MAML1: variants seen among roughly 807,000 people sequenced by gnomAD.
The protein encoded by MAML1 is mastermind like transcriptional coactivator 1.
In MAML1, 14 loss-of-function variants were observed where a neutral mutation model predicts 77.1. That is an observed-to-expected ratio of 0.18 (90% confidence interval 0.12 to 0.28). The LOEUF is 0.28. Among genes scored for constraint, MAML1 ranks in the 10% least tolerant of loss-of-function variants. The pLI is 1.00. For synonymous variants in MAML1, 516 were observed against 551.9 expected, an observed-to-expected ratio of 0.93 and a Z score of 0.91; for missense variants, 1,217 against 1,327.8, an observed-to-expected ratio of 0.92 and a Z score of 1.30.
In MAML1 at chr5:179,774,538, C is replaced by T. The variant is rs1756089567; in HGVS notation, c.2712C>T (p.Pro904=). 1 of 1,612,936 alleles carries T rather than the reference C, an allele frequency of 6.2e-7. No individual in the cohort carries two copies. Among genetic ancestry groups the T allele is most frequent in the Admixed American group, 1.7e-5 (1 of 60,006 alleles). The change falls in exon 5 of 5, where the codon CCC becomes CCT. Residue 904 remains proline, a synonymous_variant. Coordinates refer to ENST00000292599, the MANE Select transcript of MAML1 (RefSeq NM_014757.5). Reference sequence around the variant, plus strand: ...CAGCTGCCGTGGGGTCCTTGCTACCCCCAGTGAGTGCACAGCAGAGGACCA... The same window carrying T: ...CAGCTGCCGTGGGGTCCTTGCTACCTCCAGTGAGTGCACAGCAGAGGACCA... The part of the protein sequence containing the change: ...SSAAAVGSLL[P]PVSAQQRTSA...
chr5:179,736,916 G>A (rs937120544), intron 1 of MAML1, among the ~76,000 whole-genome samples: 5 of 150,290 alleles, frequency 3.3e-5, no homozygotes, highest in African/African-American at 1.2e-4. Flanking sequence ...AGCTGAGATC[G>A]TACCACTGCA....
At chr5:179,751,502 C>T (rs1221205158) in intron 1 of MAML1, among the ~76,000 whole-genome samples, 1 of 152,004 alleles carries the variant, frequency 6.6e-6, no homozygotes, top group Non-Finnish European at 1.5e-5. Flanking sequence ...AGGTCAAGTT[C>T]GAGACCACCC....
chr5:179,753,239 G>C (rs1017350902), intron 1 of MAML1, among the ~76,000 whole-genome samples: 72 of 152,024 alleles, frequency 4.7e-4, no homozygotes, highest in African/African-American at 1.6e-3. Context: ...GCGCGCGCGC[G>C]TGCTGGGGTG....
At chr5:179,744,387 A>G (rs566276060) in intron 1 of MAML1, among the ~76,000 whole-genome samples, 9 of 152,030 alleles carry the variant, frequency 5.9e-5, no homozygotes, top group African/African-American at 1.2e-4. Context: ...GGGTTTCACA[A>G]TGTTGGCCAG....
chr5:179,775,767 T>C lies in MAML1; in HGVS notation c.*890T>C, dbSNP rs1250771799. ...GCCCATGGTGGGAGCGTGGTCACTG[T>C]GCAGTTGTGCACAGATGTCTTTCCT... On this transcript the variant is annotated 3_prime_UTR_variant, in exon 5 of 5. Transcript: ENST00000292599. 18 of 985,422 alleles carry C rather than the reference T, an allele frequency of 1.8e-5. 1 individual carries two copies. In the South Asian group the frequency reaches 7.5e-4, roughly 41 times the overall value. 61.0% of individuals were successfully genotyped at this position (985,422 alleles called of 1,614,324 possible). A position where few individuals can be genotyped will look rare whatever the true frequency, so the allele number is the denominator to read the frequency against.
intron 1 of MAML1, among the ~76,000 whole-genome samples, chr5:179,734,178 GA>G (rs1156789554): frequency 2.6e-5 from 4 of 152,174 alleles, no homozygotes; most frequent in Non-Finnish European, 5.9e-5. Flanking sequence ...ATTTACAAAA[GA>G]GACAAGGTTT....
intron 1 of MAML1, among the ~76,000 whole-genome samples, chr5:179,764,993 A>ATGTG (rs555130074): frequency 0.28 from 30,039 of 108,628 alleles, 3,719 homozygotes; most frequent in Non-Finnish European, 0.38. Flanking sequence ...TATAATATAT[A>ATGTG]TATGTGTGTG....
Position 179,765,772 on chromosome 5 carries a change from C to T in MAML1, c.762C>T (p.Leu254=), listed in dbSNP as rs748314960. 1 of 1,614,146 alleles carries T rather than the reference C, an allele frequency of 6.2e-7. No homozygotes were observed. Residue 254 remains leucine, a synonymous_variant, in exon 2 of 5, where the codon CTC becomes CTT. Coordinates refer to ENST00000292599, the MANE Select transcript of MAML1 (RefSeq NM_014757.5). ...TTAACGAGCAGGAGTGGAAGGAGCT[C>T]ATCGAGGAGCTGAACAGGTCGGTGC... ...LNLNEQEWKE[L]IEELNRSVPD...
intron 1 of MAML1, among the ~76,000 whole-genome samples, chr5:179,740,664 G>A (rs1399587484): frequency 2.0e-5 from 3 of 152,030 alleles, no homozygotes; most frequent in Admixed American, 6.6e-5. Flanking sequence ...TAAAGCTTTT[G>A]TAGCTCTCTA....
In MAML1 at chr5:179,774,299, G is replaced by T. The variant is rs773686635; in HGVS notation, c.2473G>T (p.Val825Phe). 1.9e-6 allele frequency: 3 copies of T among 1,613,444 alleles called. No individual in the cohort carries two copies. The East Asian group carries it at 6.7e-5, about 36-fold the overall frequency. ...GAACCCTGGTTTAACAAAGCCACCG[G>T]TCCCAAGGGTGTCACCAGCCATGGG... ...TLNPGLTKPP[V>F]PRVSPAMGGQ... The change falls in exon 5 of 5, where the codon GTC becomes TTC. Residue 825 changes from valine to phenylalanine, a missense_variant. Physicochemically the swap from Val to Phe is conservative, Grantham distance 50. Around this residue, in one of 3 missense-constraint regions of MAML1, gnomAD observed 884 missense variants for 949.3 expected, o/e 0.93. Coordinates refer to ENST00000292599, the MANE Select transcript of MAML1 (RefSeq NM_014757.5).
intron 1 of MAML1, among the ~76,000 whole-genome samples, chr5:179,744,483 G>A (rs1481300613): frequency 6.6e-6 from 1 of 151,848 alleles, no homozygotes; most frequent in African/African-American, 2.4e-5. Context: ...ACCACACCTG[G>A]CCAAAATAAA....
intron 1 of MAML1, among the ~76,000 whole-genome samples, chr5:179,743,667 C>T (rs866208518): frequency 6.6e-6 from 1 of 151,890 alleles, no homozygotes; most frequent in African/African-American, 2.4e-5. Context: ...GCCCGGCCCT[C>T]GCTCACACAT....
At position 179,771,667 on chromosome 5, in the gene MAML1, A is replaced by C. The variant is rs1404535627; in HGVS notation, c.2068+424A>C. Among the ~76,000 whole-genome samples the C allele has an allele frequency of 2.0e-5, 3 of 152,230 alleles. No homozygotes were observed. The highest frequency in any genetic ancestry group is 4.8e-5 in the African/African-American group (2 of 41,460). ...TCTCTCCTCCTGTCTGCTCACTTGA[A>C]TATCACAGATGGCAGCATCACTAGT... On this transcript the variant is annotated intron_variant, in intron 4 of 4. Transcript: ENST00000292599. This position sits in a 1 kb window ranked among gnomAD's most constrained non-coding sequence, Gnocchi z 4.7.
chr5:179,759,015 A>G (rs1779676827), intron 1 of MAML1, among the ~76,000 whole-genome samples: 1 of 152,106 alleles, frequency 6.6e-6, no homozygotes, highest in Non-Finnish European at 1.5e-5. Flanking sequence ...AAAAAATTAC[A>G]AAGATTGTTT....
At position 179,766,005 on chromosome 5, in the gene MAML1, C is replaced by T. The variant is rs2113375061; in HGVS notation, c.995C>T (p.Ala332Val). ...AGQTFLGPSS[A>V]PVSTDSPSLG... ...CAGACCTTTCTGGGGCCTTCCTCTG[C>T]CCCTGTGAGTACAGATTCCCCCAGC... The change falls in exon 2 of 5, where the codon GCC (alanine) becomes GTC (valine). Residue 332 changes from alanine (A) to valine (V), a missense_variant. This residue lies in a region of MAML1 where 884 missense variants were observed against 949.3 expected (regional missense o/e 0.93). Transcript: ENST00000292599. This position sits in a 1 kb window ranked among gnomAD's most constrained non-coding sequence, Gnocchi z 4.0. 1.2e-6 allele frequency: 2 copies of T among 1,606,110 alleles called. No homozygotes were observed. Among genetic ancestry groups the T allele is most frequent in the Non-Finnish European group, 1.7e-6 (2 of 1,176,958 alleles).
Position 179,769,434 on chromosome 5 carries a change from C to T in MAML1, c.1971+345C>T, listed in dbSNP as rs1755923399. On this transcript the variant is annotated intron_variant, in intron 3 of 4. Coordinates refer to ENST00000292599, the MANE Select transcript of MAML1 (RefSeq NM_014757.5). The surrounding 1 kb of genome is among the most constrained non-coding windows in gnomAD (Gnocchi z 4.2). ...TCCACTATGGAGTCAGCTTTGCTGC[C>T]ACTACAGAGCCTGTTATAAGCCAGA... 6.6e-6 allele frequency among the ~76,000 whole-genome samples: 1 copy of T among 152,164 alleles called. No homozygotes were observed. Among genetic ancestry groups the T allele is most frequent in the Non-Finnish European group, 1.5e-5 (1 of 68,036 alleles).
In MAML1 at chr5:179,755,493, C is replaced by T. The variant is rs532879218; in HGVS notation, c.316-9833C>T. ...CAAATGCTTTACCACAAACATGAAA[C>T]GTAGTATTGTATACAAAGTACTGTT... On this transcript the variant is annotated intron_variant, in intron 1 of 4. Coordinates refer to ENST00000292599, the MANE Select transcript of MAML1 (RefSeq NM_014757.5). 7.6e-4 allele frequency among the ~76,000 whole-genome samples: 115 copies of T among 152,212 alleles called. 1 individual carries two copies. Among genetic ancestry groups the T allele is most frequent in the African/African-American group, 2.6e-3 (109 of 41,528 alleles).
intron 1 of MAML1, among the ~76,000 whole-genome samples, chr5:179,740,785 T>G (rs1296101328): frequency 6.6e-6 from 1 of 152,142 alleles, no homozygotes; most frequent in Non-Finnish European, 1.5e-5. Flanking sequence ...CTAGATGGCT[T>G]TGTTTTGCGG....
Position 179,774,308 on chromosome 5 carries a change from G to T in MAML1, c.2482G>T (p.Val828Leu), listed in dbSNP as rs759065951. The T allele has an allele frequency of 6.2e-7, 1 of 1,613,422 alleles. No homozygotes were observed. The change falls in exon 5 of 5, where the codon GTG becomes TTG. Residue 828 changes from valine (V) to leucine (L), a missense_variant. Transcript: ENST00000292599. ...PGLTKPPVPR[V>L]SPAMGGQNSS... The stretch of plus-strand genomic sequence containing the variant: ...TTTAACAAAGCCACCGGTCCCAAGG[G>T]TGTCACCAGCCATGGGAGGCCAGAA...
Sources: gnomAD v4.1 joint callset for allele counts (sites outside exome capture counted in the v4.1 genomes callset) on GRCh38, gnomAD v4.1.1 for gene constraint, gnomAD v4.1.1 regional missense constraint, Gnocchi (gnomAD v3.1) non-coding constraint, MANE v1.5 for transcripts, NCBI Gene and HGNC (gene_info 2026-07-23, HGNC 2026-07-21) for gene names.